SYNE1: variants seen among roughly 807,000 people sequenced by gnomAD.
SYNE1 encodes the protein spectrin repeat containing nuclear envelope protein 1, also known as nesprin-1.
SYNE1 carries 616 observed loss-of-function variants against 1,111.0 expected under a neutral mutation model. That is an observed-to-expected ratio of 0.55 (90% CI 0.52 to 0.59). The LOEUF (loss-of-function observed/expected upper bound fraction) is 0.59. Among genes scored for constraint, SYNE1 ranks in the 20% least tolerant of loss-of-function variants. SYNE1 has a pLI of 0.00. For synonymous variants in SYNE1, 3,855 were observed against 3,825.8 expected, an observed-to-expected ratio of 1.01 and a Z score of -0.28; for missense variants, 10,006 against 10,417.0, an observed-to-expected ratio of 0.96 and a Z score of 1.72.
chr6:152,428,244 C>G lies in SYNE1; in HGVS notation c.4937G>C (p.Arg1646Thr). Residue 1646 changes from arginine to threonine, a missense_variant, in exon 37 of 146, where the codon AGA becomes ACA. Physicochemically the swap from Arg to Thr is moderately conservative, Grantham distance 71. Around this residue, in one of 7 missense-constraint regions of SYNE1, gnomAD observed 1,971 missense variants for 2,084.1 expected, o/e 0.95. Coordinates refer to ENST00000367255, the MANE Select transcript of SYNE1 (RefSeq NM_182961.4). ...YEDILRRAKE[R>T]QTALENLLAH... Reference sequence around the variant, plus strand: ...CAGCAGATTCTCCAGCGCCGTCTGTCTCTCCTTCGCCCTCCTTAGGATGTC... The same window carrying G: ...CAGCAGATTCTCCAGCGCCGTCTGTGTCTCCTTCGCCCTCCTTAGGATGTC... 6.2e-7 allele frequency: 1 copy of G among 1,614,022 alleles called. No individual in the cohort carries two copies. Among genetic ancestry groups the G allele is most frequent in the African/African-American group, 1.3e-5 (1 of 75,054 alleles).
intron 3 of SYNE1, among the ~76,000 whole-genome samples, chr6:152,544,896 T>C (rs766861299): frequency 8.5e-5 from 13 of 152,234 alleles, no homozygotes; most frequent in African/African-American, 1.2e-4. Context: ...AATAATATAT[T>C]GTCTAGAAAC....
intron 5 of SYNE1, among the ~76,000 whole-genome samples, chr6:152,521,338 G>A (rs2099138296): frequency 6.6e-6 from 1 of 151,996 alleles, no homozygotes; most frequent in South Asian, 2.1e-4. Context: ...CTCACCTTTT[G>A]TACAAGCACA....
chr6:152,502,690 C>T lies in SYNE1; in HGVS notation c.831G>A (p.Gln277=), dbSNP rs1223467472. 9 of 1,613,818 alleles carry T rather than the reference C, an allele frequency of 5.6e-6. No homozygotes were observed. In the Admixed American group the frequency reaches 1.5e-4, roughly 27 times the overall value. The change falls in exon 10 of 146, where the codon CAG becomes CAA. Residue 277 remains glutamine, a synonymous_variant. Coordinates refer to ENST00000367255, the MANE Select transcript of SYNE1 (RefSeq NM_182961.4). The stretch of plus-strand genomic sequence containing the variant: ...GGATGTCAGGATAATGTTTCAGAAA[C>T]TGGGCTACATAGGTCATAATAGATT... ...DEKSIMTYVA[Q]FLKHYPDIHN...
At chr6:152,333,924 C>T (rs2096313073) in intron 77 of SYNE1, 84 bp downstream of exon 77, 3 of 1,588,506 alleles carry the variant, frequency 1.9e-6, no homozygotes, top group Non-Finnish European at 2.6e-6. Flanking sequence ...TCAGCCACTG[C>T]ACCTGGGCAC....
At chr6:152,142,752 A>G (rs2058752250) in intron 138 of SYNE1, among the ~76,000 whole-genome samples, 1 of 152,238 alleles carries the variant, frequency 6.6e-6, no homozygotes, top group Non-Finnish European at 1.5e-5. Flanking sequence ...GCCAAACTGA[A>G]CAGGAAACAA....
chr6:152,171,441 G>A (rs1160881844), intron 130 of SYNE1, among the ~76,000 whole-genome samples: 1 of 152,198 alleles, frequency 6.6e-6, no homozygotes, highest in Non-Finnish European at 1.5e-5. Flanking sequence ...TGGTGATCAA[G>A]GTTAGATACA....
intron 3 of SYNE1, among the ~76,000 whole-genome samples, chr6:152,575,101 G>A (rs2099491072): frequency 2.6e-5 from 4 of 152,172 alleles, no homozygotes; most frequent in Admixed American, 2.6e-4. Context: ...GACACATGAT[G>A]GTGGTGGGTA....
intron 130 of SYNE1, 69 bp downstream of exon 130, chr6:152,176,325 G>A: frequency 6.3e-7 from 1 of 1,597,948 alleles, no homozygotes; most frequent in Non-Finnish European, 8.6e-7. Flanking sequence ...ATCTTTGGCT[G>A]ATGAAAGGCA....
chr6:152,168,695 G>A (rs41291049), intron 130 of SYNE1, among the ~76,000 whole-genome samples: 7,236 of 152,278 alleles, frequency 0.048, 232 homozygotes, highest in Middle Eastern at 0.12. Flanking sequence ...TTTGGGTTCA[G>A]TATGCCAGCT....
intron 87 of SYNE1, among the ~76,000 whole-genome samples, chr6:152,313,573 C>T (rs1388129311): frequency 6.6e-6 from 1 of 151,636 alleles, no homozygotes; most frequent in African/African-American, 2.4e-5. Flanking sequence ...AGCGATTCTC[C>T]TGCCTCAGCC....
At chr6:152,379,167 C>T (rs373795659) in intron 56 of SYNE1, among the ~76,000 whole-genome samples, 5 of 152,186 alleles carry the variant, frequency 3.3e-5, no homozygotes, top group South Asian at 2.1e-4. Context: ...TTGACCAAAA[C>T]GTTACATTTA....
At chr6:152,264,363 C>T (rs935609211) in intron 100 of SYNE1, among the ~76,000 whole-genome samples, 5 of 151,636 alleles carry the variant, frequency 3.3e-5, no homozygotes, top group South Asian at 2.1e-4. Context: ...TGATGCAGGG[C>T]GTTTTGCTCA....
At position 152,231,469 on chromosome 6, in the gene SYNE1, A is replaced by G. The variant is rs1220123366; in HGVS notation, c.20961T>C (p.Ser6987=). 2 of 1,614,142 alleles carry G rather than the reference A, an allele frequency of 1.2e-6. No individual in the cohort carries two copies. Among genetic ancestry groups the G allele is most frequent in the Non-Finnish European group, 1.7e-6 (2 of 1,180,032 alleles). Residue 6987 remains serine, a synonymous_variant, in exon 114 of 146, where the codon AGT becomes AGC. Coordinates refer to ENST00000367255, the MANE Select transcript of SYNE1 (RefSeq NM_182961.4). The stretch of plus-strand genomic sequence containing the variant: ...GTTGCTCAGCAAAATCAGTCTTATC[A>G]CTACGCTTACTTTCCACATCCTGAC... ...ISSQDVESKR[S]DKTDFAEQLG...
chr6:152,550,709 A>C (rs2099340789), intron 3 of SYNE1, among the ~76,000 whole-genome samples: 1 of 152,046 alleles, frequency 6.6e-6, no homozygotes, highest in Non-Finnish European at 1.5e-5. Context: ...ATTCCACTTA[A>C]TGTGAAAATT....
At chr6:152,480,648 T>C in intron 14 of SYNE1, 1 of 387,626 alleles carries the variant, frequency 2.6e-6, no homozygotes, top group South Asian at 2.0e-5. Context: ...TGAGCTACTT[T>C]AAGTACCCAT....
intron 8 of SYNE1, among the ~76,000 whole-genome samples, 199 bp downstream of exon 8, chr6:152,509,994 A>T (rs762789276): frequency 6.6e-6 from 1 of 152,164 alleles, no homozygotes; most frequent in African/African-American, 2.4e-5. Context: ...GAAAAAATTA[A>T]TTTTTTAAGA....
intron 87 of SYNE1, among the ~76,000 whole-genome samples, chr6:152,314,971 G>A (rs1403709300): frequency 2.8e-5 from 4 of 142,276 alleles, no homozygotes; most frequent in Non-Finnish European, 4.6e-5. Flanking sequence ...CAGCCTGGGC[G>A]ATAGAGCGAA....
At chr6:152,399,890 A>G (rs1591910235) in intron 47 of SYNE1, 67 bp from the exon 48 acceptor site, 3 of 1,532,504 alleles carry the variant, frequency 2.0e-6, no homozygotes, top group East Asian at 2.3e-5. Flanking sequence ...TTACTTCACT[A>G]TGGTACTGTT....
At chr6:152,449,663 C>A (rs1246672657) in intron 27 of SYNE1, 22 bp from the exon 28 acceptor site, 3 of 1,538,600 alleles carry the variant, frequency 1.9e-6, no homozygotes, top group Admixed American at 3.3e-5. Context: ...TAAGCACTTT[C>A]TTATTAAAGG....
Sources: gnomAD v4.1 joint callset for allele counts (sites outside exome capture counted in the v4.1 genomes callset) on GRCh38, gnomAD v4.1.1 for gene constraint, gnomAD v4.1.1 regional missense constraint, MANE v1.5 for transcripts, NCBI Gene and HGNC (gene_info 2026-07-23, HGNC 2026-07-21) for gene names.